The following PLXNA4 variants were observed in gnomAD, a reference collection of about 807,000 sequenced individuals.
PLXNA4 encodes plexin A4.
In PLXNA4, 44 loss-of-function variants were observed where a neutral mutation model predicts 191.8. That is an observed-to-expected ratio of 0.23 (90% CI 0.18 to 0.29). PLXNA4 has a LOEUF of 0.29. PLXNA4 is among the 10% of genes least tolerant of loss of function. The pLI is 1.00. For synonymous variants in PLXNA4, 1,082 were observed against 1,009.5 expected, an observed-to-expected ratio of 1.07 and a Z score of -1.36; for missense variants, 1,800 against 2,488.8, an observed-to-expected ratio of 0.72 and a Z score of 5.89.
intron 9 of PLXNA4, among the ~76,000 whole-genome samples, chr7:132,215,151 CTCTGCCTA>C (rs1169551292): frequency 6.6e-6 from 1 of 152,198 alleles, no homozygotes; most frequent in Non-Finnish European, 1.5e-5. Context: ...CTTAGGATAA[CTCTGCCTA>C]ACTTAAATAG....
At chr7:132,366,300 C>T (rs1355782948) in intron 3 of PLXNA4, among the ~76,000 whole-genome samples, 3 of 151,960 alleles carry the variant, frequency 2.0e-5, no homozygotes, top group South Asian at 2.1e-4. Flanking sequence ...CTGAGGCAGG[C>T]GGATCACAAG....
At chr7:132,334,240 C>CTTTT in intron 3 of PLXNA4, among the ~76,000 whole-genome samples, 1 of 106,166 alleles carries the variant, frequency 9.4e-6, no homozygotes, top group African/African-American at 3.8e-5. Flanking sequence ...CTTTTCTTTT[C>CTTTT]TTTCTTTCTT....
chr7:132,147,833 T>C, intron 27 of PLXNA4, 67 bp downstream of exon 27: 1 of 1,604,482 alleles, frequency 6.2e-7, no homozygotes. Context: ...CTTCTGGCTA[T>C]GCTGCTGTCA....
At position 132,169,568 on chromosome 7, in the gene PLXNA4, G is replaced by C. The variant is rs189291566; in HGVS notation, c.4018-996C>G. ...ACAGGATGGGTCCTGCAAATGTACT[G>C]AATGAAAAAAGCCAGATGCTAAAGA... On this transcript the variant is annotated intron_variant, in intron 21 of 31. Coordinates refer to ENST00000321063, the MANE Select transcript of PLXNA4 (RefSeq NM_020911.2). Among the ~76,000 whole-genome samples the C allele has an allele frequency of 3.7e-4, 56 of 152,286 alleles. 1 individual carries two copies. The highest frequency in any genetic ancestry group is 3.2e-3 in the Admixed American group (49 of 15,296).
intron 3 of PLXNA4, among the ~76,000 whole-genome samples, chr7:132,446,619 A>C (rs768526543): frequency 6.6e-6 from 1 of 152,224 alleles, no homozygotes; most frequent in Non-Finnish European, 1.5e-5. Flanking sequence ...ACTAAGATGC[A>C]TCTTTTAAAC....
intron 14 of PLXNA4, among the ~76,000 whole-genome samples, chr7:132,189,049 AGAGAGAGAGAGAGAGAG>A: frequency 3.0e-5 from 3 of 99,398 alleles, no homozygotes; most frequent in Non-Finnish European, 5.9e-5. Context: ...AGAGAGAGAG[AGAGAGAGAGAGAGAGAG>A]AAGATTGTGC....
chr7:132,165,191 T>C lies in PLXNA4; in HGVS notation c.4296A>G (p.Ser1432=). The change falls in exon 23 of 32, where the codon TCA becomes TCG. Residue 1432 remains serine (S), a synonymous_variant. Transcript: ENST00000321063. ...HPKLLLRRTE[S]VAEKMLTNWF... ...AATTGGTCAGCATCTTCTCAGCCAC[T>C]GACTCAGTCCTGTCAGCAGTCACCG... 3.7e-6 allele frequency: 6 copies of C among 1,613,398 alleles called. No homozygotes were observed. The highest frequency in any genetic ancestry group is 5.1e-6 in the Non-Finnish European group (6 of 1,179,482).
At chr7:132,164,709 C>A (rs1164127295) in intron 23 of PLXNA4, among the ~76,000 whole-genome samples, 1 of 152,258 alleles carries the variant, frequency 6.6e-6, no homozygotes, top group Non-Finnish European at 1.5e-5. Flanking sequence ...GCCTCTTCCA[C>A]CTCCCAGGCG....
chr7:132,213,374 G>A (rs73501711), intron 9 of PLXNA4, among the ~76,000 whole-genome samples: 1,562 of 152,314 alleles, frequency 0.01, 29 homozygotes, highest in African/African-American at 0.035. Context: ...TAAATGTTAT[G>A]ATATGTGTAT....
intron 2 of PLXNA4, among the ~76,000 whole-genome samples, chr7:132,583,741 G>T (rs80160485): frequency 1.3e-5 from 2 of 152,154 alleles, no homozygotes; most frequent in African/African-American, 4.8e-5. Context: ...TCCTGGCCAG[G>T]CCCTATATTC....
At chr7:132,189,342 A>G (rs28663092) in intron 14 of PLXNA4, among the ~76,000 whole-genome samples, 69,726 of 151,862 alleles carry the variant, frequency 0.46, 20,134 homozygotes, top group African/African-American at 0.8. Flanking sequence ...GGGTTTGCAC[A>G]GGAAATCAAA....
intron 2 of PLXNA4, among the ~76,000 whole-genome samples, chr7:132,588,175 T>G (rs1013111385): frequency 1.3e-5 from 2 of 152,132 alleles, no homozygotes; most frequent in Non-Finnish European, 2.9e-5. Flanking sequence ...TGTCATCTCA[T>G]CCTATGGACT....
chr7:132,455,840 C>T (rs1585160446), intron 3 of PLXNA4, among the ~76,000 whole-genome samples: 1 of 152,264 alleles, frequency 6.6e-6, no homozygotes, highest in Middle Eastern at 3.4e-3. Context: ...GTCTCAGTCC[C>T]TCTCCTCCCC....
At position 132,521,379 on chromosome 7, in the gene PLXNA4, T is replaced by C. The variant is rs372338835; in HGVS notation, c.-86-12600A>G. On this transcript the variant is annotated intron_variant, in intron 1 of 31. Coordinates refer to ENST00000321063, the MANE Select transcript of PLXNA4 (RefSeq NM_020911.2). ...CAAGTAACAAGTGTAATATATAGTG[T>C]ACATGCCAGAAGAACATGTCATACA... 9.2e-5 allele frequency among the ~76,000 whole-genome samples: 14 copies of C among 152,216 alleles called. No individual in the cohort carries two copies. The East Asian group carries it at 1.2e-3, about 13-fold the overall frequency.
intron 2 of PLXNA4, among the ~76,000 whole-genome samples, chr7:132,497,589 C>T (rs1798077300): frequency 6.6e-6 from 1 of 152,108 alleles, no homozygotes. Flanking sequence ...ATCAAAAAGA[C>T]CTGACTATCC....
intron 24 of PLXNA4, among the ~76,000 whole-genome samples, chr7:132,159,984 A>G (rs1459931235): frequency 6.6e-6 from 1 of 152,216 alleles, no homozygotes; most frequent in Admixed American, 6.5e-5. Flanking sequence ...CAGTGCATGC[A>G]TGCACACGTG....
upstream of PLXNA4, chr7:132,576,575 C>G (rs969913487): frequency 3.0e-6 from 3 of 986,046 alleles, no homozygotes; most frequent in Non-Finnish European, 3.6e-6. The surrounding 1 kb of genome is among the most constrained non-coding windows in gnomAD (Gnocchi z 5.8). Context: ...AATACTCCAC[C>G]GAGGCACAGG....
intron 2 of PLXNA4, among the ~76,000 whole-genome samples, chr7:132,594,965 A>AGATG (rs879637271): frequency 3.0e-4 from 40 of 134,414 alleles, no homozygotes; most frequent in Non-Finnish European, 5.9e-4. Context: ...ATAGATAGAT[A>AGATG]ATTGATAGAT....
intron 3 of PLXNA4, among the ~76,000 whole-genome samples, chr7:132,424,451 T>TCCAC (rs1794964339): frequency 6.6e-6 from 1 of 152,192 alleles, no homozygotes; most frequent in Non-Finnish European, 1.5e-5. Flanking sequence ...ACCAGGCTGA[T>TCCAC]GTCGTCTTCA....
Sources: allele counts gnomAD v4.1 joint callset (sites outside exome capture counted in the v4.1 genomes callset), GRCh38; gene constraint gnomAD v4.1.1; non-coding constraint Gnocchi (gnomAD v3.1); transcripts MANE v1.5; gene names NCBI Gene and HGNC (gene_info 2026-07-23, HGNC 2026-07-21).